The following CNTNAP2 variants were observed in gnomAD, a reference collection of about 807,000 sequenced individuals.
The protein encoded by CNTNAP2 is contactin associated protein 2.
CNTNAP2 carries 98 observed loss-of-function variants against 155.2 expected under a neutral mutation model. The observed-to-expected ratio is 0.63, with a 90% confidence interval of 0.54 to 0.75. CNTNAP2 has a LOEUF of 0.75. Among genes scored for constraint, CNTNAP2 ranks in the 30% least tolerant of loss-of-function variants. The pLI is 0.00. For synonymous variants in CNTNAP2, 651 were observed against 631.2 expected (o/e 1.03, Z -0.47); for missense variants, 1,727 against 1,688.1 (o/e 1.02, Z -0.40).
chr7:147,049,064 A>AGGGG (rs1799421062), intron 4 of CNTNAP2, among the ~76,000 whole-genome samples: 4 of 152,190 alleles, frequency 2.6e-5, no homozygotes, highest in African/African-American at 9.6e-5. Flanking sequence ...GCTCAAGGTC[A>AGGGG]AGGGACCTGC....
At chr7:147,913,450 C>T (rs1338274387) in intron 14 of CNTNAP2, among the ~76,000 whole-genome samples, 1 of 152,124 alleles carries the variant, frequency 6.6e-6, no homozygotes, top group African/African-American at 2.4e-5. Context: ...GCTTCCATTC[C>T]ACCTGCTCCC....
At chr7:146,222,919 A>G (rs1799232106) in intron 1 of CNTNAP2, among the ~76,000 whole-genome samples, 1 of 152,034 alleles carries the variant, frequency 6.6e-6, no homozygotes, top group African/African-American at 2.4e-5. Flanking sequence ...TCGGCCTCCC[A>G]AAGTGCTGGG....
At chr7:146,539,158 G>A (rs1031491097) in intron 1 of CNTNAP2, among the ~76,000 whole-genome samples, 2 of 151,972 alleles carry the variant, frequency 1.3e-5, no homozygotes, top group South Asian at 2.1e-4. Flanking sequence ...GTATCAAATC[G>A]ACACAGAATG....
At chr7:147,599,263 G>A (rs1384219857) in intron 12 of CNTNAP2, among the ~76,000 whole-genome samples, 1 of 151,902 alleles carries the variant, frequency 6.6e-6, no homozygotes, top group African/African-American at 2.4e-5. Context: ...AATCCTCTGA[G>A]ATCAGGAGTT....
At chr7:146,201,678 A>G (rs902554171) in intron 1 of CNTNAP2, among the ~76,000 whole-genome samples, 1 of 147,166 alleles carries the variant, frequency 6.8e-6, no homozygotes, top group Non-Finnish European at 1.5e-5. Flanking sequence ...GTGTGTGTGA[A>G]TCAGAAAAAA....
intron 15 of CNTNAP2, among the ~76,000 whole-genome samples, chr7:148,039,295 G>A (rs546999941): frequency 9.2e-5 from 14 of 152,260 alleles, no homozygotes; most frequent in South Asian, 6.2e-4. Flanking sequence ...GAGTGTCAGC[G>A]CTCTGGGAGA....
intron 1 of CNTNAP2, among the ~76,000 whole-genome samples, chr7:146,274,826 G>T (rs145812109): frequency 6.6e-6 from 1 of 152,242 alleles, no homozygotes; most frequent in East Asian, 1.9e-4. Context: ...CCTACATTTC[G>T]AGCAAAGAGT....
chr7:146,609,249 G>A (rs1312223686), intron 1 of CNTNAP2, among the ~76,000 whole-genome samples: 2 of 152,152 alleles, frequency 1.3e-5, no homozygotes, highest in Non-Finnish European at 2.9e-5. Context: ...GTATTGTTTT[G>A]TCTTCTTCTG....
intron 3 of CNTNAP2, among the ~76,000 whole-genome samples, chr7:146,962,052 A>G (rs1797566877): frequency 1.3e-5 from 2 of 151,918 alleles, no homozygotes; most frequent in Admixed American, 6.6e-5. Context: ...TGTTTAGATA[A>G]CTCTAAACAC....
chr7:147,648,251 A>C (rs2116937374), intron 13 of CNTNAP2, among the ~76,000 whole-genome samples: 1 of 152,304 alleles, frequency 6.6e-6, no homozygotes, highest in Admixed American at 6.5e-5. Flanking sequence ...GAGAGAAAGA[A>C]GAGTGTAGAA....
chr7:146,178,037 A>AT (rs1295583639), intron 1 of CNTNAP2, among the ~76,000 whole-genome samples: 8 of 151,424 alleles, frequency 5.3e-5, no homozygotes, highest in Non-Finnish European at 1.0e-4. Context: ...TTTTATTTTT[A>AT]TTTTTTTATT....
chr7:148,410,318 C>T (rs1799805561), intron 23 of CNTNAP2, among the ~76,000 whole-genome samples: 1 of 151,856 alleles, frequency 6.6e-6, no homozygotes, highest in African/African-American at 2.4e-5. Context: ...GCCTGTAATC[C>T]CAGCACTTCG....
intron 1 of CNTNAP2, among the ~76,000 whole-genome samples, chr7:146,704,144 G>C (rs1800923509): frequency 6.6e-6 from 1 of 152,116 alleles, no homozygotes; most frequent in Admixed American, 6.6e-5. Context: ...CAATCATGGA[G>C]AGACAACCTT....
chr7:146,556,209 T>C (rs1024291552), intron 1 of CNTNAP2, among the ~76,000 whole-genome samples: 2 of 152,074 alleles, frequency 1.3e-5, no homozygotes, highest in South Asian at 2.1e-4. Flanking sequence ...AAAATACTAG[T>C]GTAACCTAAA....
intron 3 of CNTNAP2, among the ~76,000 whole-genome samples, chr7:146,944,671 G>A (rs1797123301): frequency 1.3e-5 from 2 of 152,090 alleles, no homozygotes; most frequent in South Asian, 4.1e-4. Flanking sequence ...GAGGTCATGA[G>A]ATGGAGACCA....
intron 1 of CNTNAP2, among the ~76,000 whole-genome samples, chr7:146,499,185 A>AAT (rs1048601325): frequency 2.6e-5 from 4 of 152,208 alleles, no homozygotes; most frequent in Non-Finnish European, 5.9e-5. Context: ...TATTTAGCTG[A>AAT]ATATATATAT....
chr7:147,751,989 G>T (rs1398044070), intron 13 of CNTNAP2, among the ~76,000 whole-genome samples: 1 of 152,068 alleles, frequency 6.6e-6, no homozygotes, highest in African/African-American at 2.4e-5. Context: ...CTACACACAG[G>T]TTCTTCTGAT....
At chr7:146,926,612 T>G (rs1796615123) in intron 3 of CNTNAP2, among the ~76,000 whole-genome samples, 1 of 152,104 alleles carries the variant, frequency 6.6e-6, no homozygotes, top group African/African-American at 2.4e-5. Flanking sequence ...AGGCTTGTGA[T>G]CTCTGAAATA....
rs1563068432 is a variant in CNTNAP2, at chr7:146,395,826, G to GAGGA, written c.97+278853_97+278854insAGGA. ...ATAGATAGATAGATAGATAGATAGA[G>GAGGA]GAGAGAGAGAGAGAGAGAGAGAGAG... On this transcript the variant is annotated intron_variant, in intron 1 of 23. Transcript: ENST00000361727. Among the ~76,000 whole-genome samples the GAGGA allele has an allele frequency of 8.4e-3, 976 of 116,574 alleles. 5 individuals carry two copies. Among genetic ancestry groups the GAGGA allele is most frequent in the Middle Eastern group, 0.02 (5 of 244 alleles). The allele number at this position is 116,574 out of a possible 152,430, so 76.5% of individuals were successfully genotyped here. A position where few individuals can be genotyped will look rare whatever the true frequency, so the allele number is the denominator to read the frequency against.
Sources: allele counts gnomAD v4.1 joint callset (sites outside exome capture counted in the v4.1 genomes callset), GRCh38; gene constraint gnomAD v4.1.1; transcripts MANE v1.5; gene names NCBI Gene and HGNC (gene_info 2026-07-23, HGNC 2026-07-21).